Variants in THSD7B observed in about 807,000 individuals in gnomAD.
The protein encoded by THSD7B is thrombospondin type-1 domain-containing protein 7B.
Under a neutral mutation model 213.6 loss-of-function variants are expected in THSD7B, and 138 were observed. That is an observed-to-expected ratio of 0.65 (90% CI 0.56 to 0.74). THSD7B has a LOEUF of 0.74. Ranked by LOEUF, THSD7B falls within the 30% of genes least tolerant of loss-of-function variation. The probability of loss-of-function intolerance (pLI) is 0.00; values close to 1 mark genes in which losing one functional copy is unlikely to be tolerated. For missense variants in THSD7B, 1,931 were observed against 1,991.5 expected (o/e 0.97, Z 0.58); for synonymous variants, 742 against 687.0 (o/e 1.08, Z -1.25).
chr2:137,455,043 T>C (rs1421195749), intron 15 of THSD7B, among the ~76,000 whole-genome samples: 1 of 152,206 alleles, frequency 6.6e-6, no homozygotes, highest in African/African-American at 2.4e-5. Context: ...TATGTGTTTA[T>C]GTAAATGTCA....
chr2:137,139,435 A>G (rs371761405), intron 5 of THSD7B, among the ~76,000 whole-genome samples: 2 of 152,316 alleles, frequency 1.3e-5, no homozygotes, highest in East Asian at 1.9e-4. Flanking sequence ...TAGAGAGCCA[A>G]TGTGATACAG....
intron 2 of THSD7B, among the ~76,000 whole-genome samples, chr2:136,999,232 T>A (rs988343411): frequency 6.6e-6 from 1 of 152,178 alleles, no homozygotes; most frequent in African/African-American, 2.4e-5. Flanking sequence ...ACAATAGAGA[T>A]AGCTAATAAT....
At chr2:137,612,822 G>A (rs1365576386) in intron 17 of THSD7B, among the ~76,000 whole-genome samples, 2 of 152,120 alleles carry the variant, frequency 1.3e-5, no homozygotes, top group African/African-American at 4.8e-5. Flanking sequence ...GAGAAAGATT[G>A]TTTTAACTTC....
At chr2:137,656,277 A>C (rs1683234963) in intron 22 of THSD7B, among the ~76,000 whole-genome samples, 1 of 150,594 alleles carries the variant, frequency 6.6e-6, no homozygotes, top group African/African-American at 2.5e-5. Flanking sequence ...TATGTATTAC[A>C]AAAAAAATTA....
intron 2 of THSD7B, among the ~76,000 whole-genome samples, chr2:136,993,253 C>T (rs77752458): frequency 2.7e-3 from 416 of 152,288 alleles, no homozygotes; most frequent in African/African-American, 9.5e-3. Flanking sequence ...TTAGGCATCT[C>T]CATTTAGATA....
chr2:137,261,311 G>T (rs1682442879), intron 10 of THSD7B, among the ~76,000 whole-genome samples: 1 of 152,056 alleles, frequency 6.6e-6, no homozygotes, highest in South Asian at 2.1e-4. Flanking sequence ...GAAGTATAGG[G>T]GTCATCTAGA....
At chr2:137,099,048 A>C (rs1362555869) in intron 4 of THSD7B, among the ~76,000 whole-genome samples, 1 of 152,126 alleles carries the variant, frequency 6.6e-6, no homozygotes. Context: ...CCTTCAGTCT[A>C]TTTGTAATTT....
intron 4 of THSD7B, among the ~76,000 whole-genome samples, chr2:137,111,132 A>C (rs1285358481): frequency 6.6e-6 from 1 of 152,224 alleles, no homozygotes; most frequent in Non-Finnish European, 1.5e-5. Flanking sequence ...CTAGGTGACC[A>C]CAGGGCTCTC....
At position 137,651,496 on chromosome 2, in the gene THSD7B, T is replaced by TG. The variant is rs1309905424; in HGVS notation, c.3946-4005_3946-4004insG. Among the ~76,000 whole-genome samples, 8 of 152,188 alleles carry TG rather than the reference T, an allele frequency of 5.3e-5. No homozygotes were observed. In the South Asian group the frequency reaches 1.2e-3, roughly 24 times the overall value. ...TAGCTAAAAGTTTGTCAGTTTTGTTTATTTTTTTAAAAAAAACAAAGATTT... is the reference window on the plus strand; with the variant it reads ...TAGCTAAAAGTTTGTCAGTTTTGTTTGATTTTTTTAAAAAAAACAAAGATTT... On this transcript the variant is annotated intron_variant, in intron 21 of 27. Coordinates refer to ENST00000409968, the MANE Select transcript of THSD7B (RefSeq NM_001316349.2).
At chr2:137,301,872 C>T (rs1683613245) in intron 12 of THSD7B, among the ~76,000 whole-genome samples, 1 of 152,068 alleles carries the variant, frequency 6.6e-6, no homozygotes, top group Non-Finnish European at 1.5e-5. Context: ...TTGATTTTTA[C>T]TCAGTGAAAT....
intron 5 of THSD7B, among the ~76,000 whole-genome samples, chr2:137,141,222 C>G (rs1374912569): frequency 6.6e-6 from 1 of 152,002 alleles, no homozygotes; most frequent in African/African-American, 2.4e-5. Flanking sequence ...ACAGGAGATG[C>G]CAGAGTTCTC....
At position 137,328,301 on chromosome 2, in the gene THSD7B, C is replaced by G. The variant is rs147913186; in HGVS notation, c.2500+52275C>G. ...AACAACAACAACAAACACATTTATGCACAAATACAGTCACTAGTTTCTAGT... is the reference window on the plus strand; with the variant it reads ...AACAACAACAACAAACACATTTATGGACAAATACAGTCACTAGTTTCTAGT... On this transcript the variant is annotated intron_variant, in intron 12 of 27. Transcript: ENST00000409968. Among the ~76,000 whole-genome samples the G allele has an allele frequency of 2.8e-4, 43 of 152,280 alleles. No individual in the cohort carries two copies. In the East Asian group the frequency reaches 7.3e-3, roughly 26 times the overall value.
intron 4 of THSD7B, among the ~76,000 whole-genome samples, chr2:137,102,513 G>A (rs1178471362): frequency 4.6e-5 from 7 of 152,136 alleles, no homozygotes; most frequent in Non-Finnish European, 1.0e-4. Context: ...CGCCAGCAGG[G>A]GAACAAAACT....
chr2:136,930,043 G>A (rs966020194), intron 2 of THSD7B, among the ~76,000 whole-genome samples: 2 of 152,194 alleles, frequency 1.3e-5, no homozygotes, highest in African/African-American at 4.8e-5. Context: ...TGAAAATCAA[G>A]TTTGTGGTTA....
At chr2:136,874,971 C>T (rs1683503197) in intron 1 of THSD7B, among the ~76,000 whole-genome samples, 1 of 151,716 alleles carries the variant, frequency 6.6e-6, no homozygotes, top group Non-Finnish European at 1.5e-5. Flanking sequence ...TGTTTCTTGT[C>T]CTCTCATTTT....
intron 10 of THSD7B, among the ~76,000 whole-genome samples, chr2:137,265,139 C>T (rs1682557228): frequency 6.6e-6 from 1 of 152,096 alleles, no homozygotes; most frequent in African/African-American, 2.4e-5. Context: ...CATCCATGTC[C>T]CTACAAAGGA....
intron 2 of THSD7B, among the ~76,000 whole-genome samples, chr2:136,977,095 C>G (rs897852646): frequency 2.0e-5 from 3 of 152,026 alleles, no homozygotes; most frequent in African/African-American, 7.3e-5. Context: ...TCTGTCTGGT[C>G]CTAAGCTTTT....
chr2:137,623,758 A>G (rs950936407), intron 20 of THSD7B, among the ~76,000 whole-genome samples: 20 of 152,338 alleles, frequency 1.3e-4, no homozygotes, highest in African/African-American at 4.6e-4. Flanking sequence ...AATACCTAGG[A>G]ATCCAACTTA....
intron 15 of THSD7B, among the ~76,000 whole-genome samples, chr2:137,480,311 T>C (rs1164522428): frequency 1.3e-5 from 2 of 152,316 alleles, no homozygotes; most frequent in Middle Eastern, 3.4e-3. Context: ...TTATTGATTA[T>C]AGAAATAATA....
Sources: allele counts gnomAD v4.1 joint callset (sites outside exome capture counted in the v4.1 genomes callset), GRCh38; gene constraint gnomAD v4.1.1; transcripts MANE v1.5; gene names NCBI Gene and HGNC (gene_info 2026-07-23, HGNC 2026-07-21).